The following CEP72 variants were observed in gnomAD, a reference collection of about 807,000 sequenced individuals.
CEP72 encodes the protein centrosomal protein of 72 kDa.
A neutral mutation model predicts 65.7 loss-of-function variants in CEP72; 78 were observed. That is an observed-to-expected ratio of 1.19 (90% confidence interval 0.99 to 1.43). The LOEUF (loss-of-function observed/expected upper bound fraction) is 1.43, where lower values mean the gene tolerates loss of function less well. CEP72 is among the 40% of genes most tolerant of loss of function. CEP72 has a pLI of 0.00. For synonymous variants in CEP72, 358 were observed against 351.7 expected (o/e 1.02, Z -0.20); for missense variants, 914 against 832.9 (o/e 1.10, Z -1.20).
In CEP72 at chr5:653,211, A is replaced by G; in HGVS notation, c.*58A>G. On this transcript the variant is annotated 3_prime_UTR_variant, in exon 12 of 12. Transcript: ENST00000264935. ...TTCCTGGTAAAGTTACATTGTCTGCACCTTTGTACTTCTTTATTGAGTGTA... is the reference window on the plus strand; with the variant it reads ...TTCCTGGTAAAGTTACATTGTCTGCGCCTTTGTACTTCTTTATTGAGTGTA... 1 of 1,465,432 alleles carries G rather than the reference A, an allele frequency of 6.8e-7. No individual in the cohort carries two copies. Among genetic ancestry groups the G allele is most frequent in the South Asian group, 1.4e-5 (1 of 72,608 alleles). 90.8% of individuals were successfully genotyped at this position (1,465,432 alleles called of 1,614,324 possible).
chr5:652,701 C>T (rs55876656), intron 11 of CEP72, among the ~76,000 whole-genome samples: 15,072 of 152,272 alleles, frequency 0.099, 1,625 homozygotes, highest in African/African-American at 0.27. Context: ...ATAGCCAAGG[C>T]GCCATTCAGT....
intron 10 of CEP72, among the ~76,000 whole-genome samples, chr5:646,487 C>G (rs1032753285): frequency 6.6e-6 from 1 of 152,166 alleles, no homozygotes; most frequent in Non-Finnish European, 1.5e-5. Flanking sequence ...CCTCATGGAT[C>G]AAGGATAGGG....
chr5:622,058 G>A (rs1361652167), intron 3 of CEP72, among the ~76,000 whole-genome samples: 7 of 152,218 alleles, frequency 4.6e-5, no homozygotes, highest in Non-Finnish European at 1.0e-4. Flanking sequence ...ACAGGCGTGG[G>A]CCACTGAGCC....
At chr5:632,775 C>A (rs1362526425) in intron 4 of CEP72, among the ~76,000 whole-genome samples, 4 of 33,450 alleles carry the variant, frequency 1.2e-4, no homozygotes, top group Non-Finnish European at 1.7e-4. Context: ...CGGGATTTGA[C>A]CCAGTCCTGG....
In CEP72 at chr5:625,695, T is replaced by G. The variant is rs140869072; in HGVS notation, c.512+1116T>G. On this transcript the variant is annotated intron_variant, in intron 4 of 11. Transcript: ENST00000264935. Reference sequence around the variant, plus strand: ...CTACTTGCTGCGTGGACAGCAGCACTCTGGTACCTGCACCTTCTGCTCATG... The same window carrying G: ...CTACTTGCTGCGTGGACAGCAGCACGCTGGTACCTGCACCTTCTGCTCATG... Among the ~76,000 whole-genome samples the G allele has an allele frequency of 1.1e-4, 17 of 152,266 alleles. 1 individual carries two copies. Among genetic ancestry groups the G allele is most frequent in the African/African-American group, 4.1e-4 (17 of 41,548 alleles).
chr5:672,267 G>A, the CEP72 span, among the ~76,000 whole-genome samples: 3 of 152,166 alleles, frequency 2.0e-5, no homozygotes, highest in African/African-American at 7.2e-5. Context: ...CAGACCCCAG[G>A]GAGCCTGGCC....
At position 635,496 on chromosome 5, in the gene CEP72, G is replaced by C. The variant is rs144690583; in HGVS notation, c.816G>C (p.Gln272His). ...GTCTGGAGAAGATGCCTTGGAGCCA[G>C]CTCTGTGGAGAGCTTCCGCCACTGT... Reference protein sequence around the residue: ...GCCLEKMPWSQLCGELPPLYG... With the variant: ...GCCLEKMPWSHLCGELPPLYG... Residue 272 changes from glutamine to histidine, a missense_variant, in exon 6 of 12, where the codon CAG (glutamine) becomes CAC (histidine). Coordinates refer to ENST00000264935, the MANE Select transcript of CEP72 (RefSeq NM_018140.4). The C allele has an allele frequency of 2.5e-6, 4 of 1,614,020 alleles. No individual in the cohort carries two copies. The African/African-American group carries it at 5.3e-5, about 22-fold the overall frequency.
chr5:656,144 T>A (rs1346531383), downstream of CEP72, among the ~76,000 whole-genome samples: 1 of 152,220 alleles, frequency 6.6e-6, no homozygotes, highest in East Asian at 1.9e-4. Flanking sequence ...ATAAGCCCAG[T>A]TTTCCCAGTC....
chr5:639,191 T>C lies in CEP72; in HGVS notation c.1309T>C (p.Cys437Arg). 6.2e-7 allele frequency: 1 copy of C among 1,604,320 alleles called. No individual in the cohort carries two copies. Among genetic ancestry groups the C allele is most frequent in the South Asian group, 1.1e-5 (1 of 90,344 alleles). ...CCTGGTGGACAGGAGCTGGGGCGGC[T>C]GCAGGTCCCTGCACAGCAACGAGGC... The part of the protein sequence containing the change: ...LDLVDRSWGG[C>R]RSLHSNEAFL... The change falls in exon 8 of 12, where the codon TGC becomes CGC. Residue 437 changes from cysteine to arginine, a missense_variant. Transcript: ENST00000264935.
chr5:619,192 G>A, intron 2 of CEP72, 75 bp downstream of exon 2: 1 of 1,414,942 alleles, frequency 7.1e-7, no homozygotes, highest in Non-Finnish European at 9.9e-7. Flanking sequence ...CAGAAACGGA[G>A]TCTGTTTTGT....
intron 4 of CEP72, chr5:666,163 G>A (rs1442717530): frequency 6.3e-7 from 1 of 1,594,296 alleles, no homozygotes. Flanking sequence ...GCGCGGGCCG[G>A]CCCAGGGCTG....
At chr5:616,752 C>T (rs1222017284) in intron 1 of CEP72, among the ~76,000 whole-genome samples, 2 of 152,238 alleles carry the variant, frequency 1.3e-5, no homozygotes, top group East Asian at 1.9e-4. Context: ...GATCCATTCT[C>T]ACACCCCGGT....
At chr5:661,480 T>C (rs1019270546), downstream of CEP72, 1 of 152,440 alleles carries the variant, frequency 6.6e-6, no homozygotes, top group Non-Finnish European at 1.5e-5. Context: ...CCTGTCCCTC[T>C]CTCCTGGTTT....
At chr5:635,168 C>T (rs1339973688) in intron 5 of CEP72, among the ~76,000 whole-genome samples, 7 of 152,222 alleles carry the variant, frequency 4.6e-5, no homozygotes, top group Admixed American at 2.6e-4. Context: ...TCCTGAGTCT[C>T]GCAGGCGAGT....
At chr5:619,858 CAT>C (rs1021128918) in intron 2 of CEP72, among the ~76,000 whole-genome samples, 1 of 152,198 alleles carries the variant, frequency 6.6e-6, no homozygotes, top group African/African-American at 2.4e-5. Flanking sequence ...AGTTGCGTCA[CAT>C]GTGGGTTCCA....
downstream of CEP72, among the ~76,000 whole-genome samples, chr5:670,562 G>C (rs964052378): frequency 2.6e-5 from 4 of 152,264 alleles, no homozygotes; most frequent in South Asian, 2.1e-4. Flanking sequence ...GGCCCCACGG[G>C]GGGAGGGGGA....
Position 635,464 on chromosome 5 carries a change from G to A in CEP72, c.784G>A (p.Gly262Arg). ...GRETRRSSCR[G>R]CCLEKMPWSQ... ...TGAGACGAGGAGGAGCAGCTGCAGA[G>A]GGTGCTGTCTGGAGAAGATGCCTTG... is the stretch of plus-strand genomic sequence containing the variant. Residue 262 changes from glycine (G) to arginine (R), a missense_variant, in exon 6 of 12, where the codon GGG (glycine) becomes AGG (arginine). Physicochemically the swap from Gly to Arg is moderately radical, Grantham distance 125 (BLOSUM62 -2). Coordinates refer to ENST00000264935, the MANE Select transcript of CEP72 (RefSeq NM_018140.4). The A allele has an allele frequency of 1.9e-6, 3 of 1,614,106 alleles. No individual in the cohort carries two copies. The highest frequency in any genetic ancestry group is 2.5e-6 in the Non-Finnish European group (3 of 1,179,944).
chr5:675,480 C>CCGGGGGTG, the CEP72 span, among the ~76,000 whole-genome samples: 1 of 109,380 alleles, frequency 9.1e-6, no homozygotes, highest in East Asian at 2.5e-4. Context: ...TGCAGTGTGG[C>CCGGGGGTG]CAGGGGTACA....
At chr5:666,332 G>A (rs1203190051) in intron 4 of CEP72, among the ~76,000 whole-genome samples, 4 of 152,214 alleles carry the variant, frequency 2.6e-5, no homozygotes, top group East Asian at 3.9e-4. Context: ...ATGCTCACAC[G>A]GCCCTGCAGG....
Sources: allele counts gnomAD v4.1 joint callset (sites outside exome capture counted in the v4.1 genomes callset), GRCh38; gene constraint gnomAD v4.1.1; transcripts MANE v1.5; gene names NCBI Gene and HGNC (gene_info 2026-07-23, HGNC 2026-07-21).